The following SNX14 variants were observed in gnomAD, a reference collection of about 807,000 sequenced individuals.
The protein encoded by SNX14 is sorting nexin-14.
In SNX14, 93 loss-of-function variants were observed where a neutral mutation model predicts 133.8. The observed-to-expected ratio is 0.70, with a 90% CI of 0.59 to 0.83. SNX14 has a LOEUF of 0.83. SNX14 is among the 40% of genes least tolerant of loss of function. The probability of loss-of-function intolerance (pLI) is 0.00; values close to 1 mark genes in which losing one functional copy is unlikely to be tolerated. For synonymous variants in SNX14, 368 were observed against 365.6 expected (o/e 1.01, Z -0.07); for missense variants, 945 against 1,094.9 (o/e 0.86, Z 1.93).
At chr6:85,569,888 T>A (rs1475950086) in intron 4 of SNX14, among the ~76,000 whole-genome samples, 11 of 152,000 alleles carry the variant, frequency 7.2e-5, no homozygotes, top group Admixed American at 7.2e-4. Context: ...ATTGCCCACA[T>A]CCTCCCTCAC....
At chr6:85,558,562 G>C (rs970674593) in intron 6 of SNX14, among the ~76,000 whole-genome samples, 1 of 152,102 alleles carries the variant, frequency 6.6e-6, no homozygotes, top group Non-Finnish European at 1.5e-5. Context: ...CCCGGGCTCA[G>C]GTGATTCTCC....
intron 7 of SNX14, among the ~76,000 whole-genome samples, chr6:85,552,991 T>G (rs1360410275): frequency 6.6e-6 from 1 of 152,244 alleles, no homozygotes; most frequent in Non-Finnish European, 1.5e-5. Context: ...TGTATAACCC[T>G]TCATGTACTG....
In SNX14 at chr6:85,508,320, T is replaced by TA. The variant is rs765165360; in HGVS notation, c.2654-262dup. ...ATGCAAACTCTGAGAAATGCTGCAG[T>TA]AAAAAAAAAAAAAAAAAAAATCTGC... is the stretch of plus-strand genomic sequence containing the variant. On this transcript the variant is annotated intron_variant, in intron 26 of 28. Transcript: ENST00000314673. The TA allele has an allele frequency of 0.021, 17,879 of 866,734 alleles. 128 individuals are homozygous for TA. Among genetic ancestry groups the TA allele is most frequent in the African/African-American group, 0.089 (3,690 of 41,482 alleles). 53.7% of individuals were successfully genotyped at this position (866,734 alleles called of 1,614,324 possible). A position where few individuals can be genotyped will look rare whatever the true frequency, so the allele number is the denominator to read the frequency against.
intron 25 of SNX14, 27 bp downstream of exon 25, chr6:85,514,043 G>T: frequency 6.3e-7 from 1 of 1,588,250 alleles, no homozygotes; most frequent in Non-Finnish European, 8.5e-7. Context: ...CACAAAATAT[G>T]AAACAAACAC....
intron 12 of SNX14, among the ~76,000 whole-genome samples, chr6:85,545,262 G>A (rs1785108514): frequency 6.6e-6 from 1 of 151,958 alleles, no homozygotes; most frequent in South Asian, 2.1e-4. Flanking sequence ...GAATATACAG[G>A]ACAAATATAA....
chr6:85,515,342 G>A (rs16876340), intron 23 of SNX14, among the ~76,000 whole-genome samples: 11,964 of 148,316 alleles, frequency 0.081, 795 homozygotes, highest in East Asian at 0.22. Context: ...AAAATCCAGC[G>A]TTAGGTGAAA....
In SNX14 at chr6:85,574,289, T is replaced by C; in HGVS notation, c.230A>G (p.Asn77Ser). The C allele has an allele frequency of 1.9e-6, 3 of 1,593,540 alleles. No homozygotes were observed. The highest frequency in any genetic ancestry group is 2.6e-6 in the Non-Finnish European group (3 of 1,165,294). The change falls in exon 2 of 29, where the codon AAT (asparagine) becomes AGT (serine). Residue 77 changes from asparagine to serine, a missense_variant. Around this residue, in one of 3 missense-constraint regions of SNX14, gnomAD observed 514 missense variants for 538.8 expected, o/e 0.95. Coordinates refer to ENST00000314673, the MANE Select transcript of SNX14 (RefSeq NM_153816.6). The stretch of plus-strand genomic sequence containing the variant: ...TTTGTATTTTATTGTGAAGAATATA[T>C]TTGGTAAGAGAGAATCAGGTCCTAG... ...CSLGPDSLLP[N>S]IFFTIKYKPK...
intron 15 of SNX14, among the ~76,000 whole-genome samples, chr6:85,541,498 A>G (rs1783744434): frequency 6.6e-6 from 1 of 152,206 alleles, no homozygotes; most frequent in Non-Finnish European, 1.5e-5. Context: ...AAATTAGAAC[A>G]CTAATTATCC....
intron 27 of SNX14, 56 bp from the exon 28 acceptor site, chr6:85,507,345 T>C (rs1771073185): frequency 1.4e-6 from 2 of 1,384,792 alleles, no homozygotes; most frequent in Non-Finnish European, 2.0e-6. Flanking sequence ...ACAAAAACCA[T>C]AAAAATGATA....
intron 19 of SNX14, 73 bp downstream of exon 19, chr6:85,530,119 A>G (rs1582661038): frequency 2.3e-6 from 2 of 863,434 alleles, no homozygotes; most frequent in East Asian, 2.8e-5. Flanking sequence ...AAATAAAAAA[A>G]TTAATCTGGT....
chr6:85,516,778 C>G (rs1268861229), intron 23 of SNX14, among the ~76,000 whole-genome samples: 1 of 151,942 alleles, frequency 6.6e-6, no homozygotes, highest in African/African-American at 2.4e-5. Context: ...GCTAGGATTA[C>G]AGGCACCCAC....
intron 6 of SNX14, among the ~76,000 whole-genome samples, chr6:85,563,938 C>A (rs1792806498): frequency 6.6e-6 from 1 of 151,942 alleles, no homozygotes; most frequent in East Asian, 1.9e-4. Flanking sequence ...CACCCCATGA[C>A]AGGTCCTGGT....
At chr6:85,538,237 G>C (rs1782547215) in intron 16 of SNX14, among the ~76,000 whole-genome samples, 1 of 151,908 alleles carries the variant, frequency 6.6e-6, no homozygotes, top group Non-Finnish European at 1.5e-5. Flanking sequence ...ACTTAAACTA[G>C]ATTATTTTAT....
chr6:85,518,726 G>T (rs904469272), intron 21 of SNX14, among the ~76,000 whole-genome samples: 1 of 152,096 alleles, frequency 6.6e-6, no homozygotes, highest in Non-Finnish European at 1.5e-5. Context: ...TAATAATAAA[G>T]AATAAAAATA....
At chr6:85,563,527 T>A (rs1350674422) in intron 6 of SNX14, among the ~76,000 whole-genome samples, 1 of 152,000 alleles carries the variant, frequency 6.6e-6, no homozygotes, top group East Asian at 1.9e-4. Context: ...GAGTAGCTGG[T>A]ATTACAGATG....
chr6:85,531,464 TCATCCAA>T (rs1303607018), intron 18 of SNX14, among the ~76,000 whole-genome samples: 1 of 152,174 alleles, frequency 6.6e-6, no homozygotes, highest in African/African-American at 2.4e-5. Context: ...AATACCACAA[TCATCCAA>T]AACAACACTT....
intron 12 of SNX14, among the ~76,000 whole-genome samples, chr6:85,545,753 G>T (rs867409787): frequency 8.5e-5 from 13 of 152,132 alleles, no homozygotes; most frequent in African/African-American, 2.9e-4. Flanking sequence ...GCATGATCTC[G>T]GCTCACTGCA....
At chr6:85,541,764 C>T (rs1377781675) in intron 15 of SNX14, among the ~76,000 whole-genome samples, 2 of 152,144 alleles carry the variant, frequency 1.3e-5, no homozygotes. Flanking sequence ...ATGAGATTAA[C>T]AAGGCCACAT....
At chr6:85,588,764 A>AT in intron 1 of SNX14, 1 of 390,356 alleles carries the variant, frequency 2.6e-6, no homozygotes, top group Non-Finnish European at 5.1e-6. Flanking sequence ...GTTAGTACTT[A>AT]TTTTGTATAT....
Sources: gnomAD v4.1 joint callset for allele counts (sites outside exome capture counted in the v4.1 genomes callset) on GRCh38, gnomAD v4.1.1 for gene constraint, gnomAD v4.1.1 regional missense constraint, MANE v1.5 for transcripts, NCBI Gene and HGNC (gene_info 2026-07-23, HGNC 2026-07-21) for gene names.